The following PRKN variants were observed in gnomAD, a reference collection of about 807,000 sequenced individuals.
PRKN encodes the protein parkin RBR E3 ubiquitin protein ligase.
In PRKN, 56 loss-of-function variants were observed where a neutral mutation model predicts 59.5. That is an observed-to-expected ratio of 0.94 (90% CI 0.76 to 1.18). PRKN has a LOEUF of 1.18. Ranked by LOEUF, PRKN falls within the 50% of genes most tolerant of loss-of-function variation. The pLI is 0.00. For synonymous variants in PRKN, 250 were observed against 222.1 expected (o/e 1.13, Z -1.12); for missense variants, 657 against 596.4 (o/e 1.10, Z -1.06).
chr6:162,378,632 A>C (rs1431371385), intron 2 of PRKN, among the ~76,000 whole-genome samples: 2 of 152,244 alleles, frequency 1.3e-5, no homozygotes, highest in Non-Finnish European at 2.9e-5. Context: ...GTGCCTATGC[A>C]CAGAATTCAA....
intron 1 of PRKN, among the ~76,000 whole-genome samples, chr6:162,693,432 C>T (rs530685328): frequency 6.6e-6 from 1 of 152,176 alleles, no homozygotes; most frequent in South Asian, 2.1e-4. Context: ...AGGTTTTCCT[C>T]TTCACATGGT....
chr6:162,446,613 CAATAT>C (rs1790328330), intron 1 of PRKN, among the ~76,000 whole-genome samples: 1 of 151,994 alleles, frequency 6.6e-6, no homozygotes, highest in African/African-American at 2.4e-5. Context: ...ATCTAACATA[CAATAT>C]AAATTTAAAA....
chr6:161,576,944 A>T lies in PRKN; in HGVS notation c.872-7528T>A, dbSNP rs866643897. Among the ~76,000 whole-genome samples, 2 of 152,260 alleles carry T rather than the reference A, an allele frequency of 1.3e-5. No homozygotes were observed. Among genetic ancestry groups the T allele is most frequent in the African/African-American group, 4.8e-5 (2 of 41,472 alleles). Reference sequence around the variant, plus strand: ...AATGTCATTTACAGAAAGTTTAGAGAATCTATTAAACAATGTCGATGCACG... The same window carrying T: ...AATGTCATTTACAGAAAGTTTAGAGTATCTATTAAACAATGTCGATGCACG... On this transcript the variant is annotated intron_variant, in intron 7 of 11. Transcript: ENST00000366898. The surrounding 1 kb of genome is among the most constrained non-coding windows in gnomAD (Gnocchi z 4.6).
At chr6:162,461,750 T>G (rs945534036) in intron 1 of PRKN, among the ~76,000 whole-genome samples, 26 of 150,622 alleles carry the variant, frequency 1.7e-4, no homozygotes, top group Admixed American at 3.3e-4. Flanking sequence ...CGCTTGAACT[T>G]GGGAGGTGGA....
Position 161,546,753 on chromosome 6 carries a change from G to A in PRKN, c.1083+2101C>T, listed in dbSNP as rs1779809777. 6.6e-6 allele frequency among the ~76,000 whole-genome samples: 1 copy of A among 152,020 alleles called. No individual in the cohort carries two copies. The highest frequency in any genetic ancestry group is 1.5e-5 in the Non-Finnish European group (1 of 68,024). ...GAATAAAGTGAGAGTGACAGGTGCA[G>A]CTTTGGGGATTTGGTCCTACAAGGC... is the stretch of plus-strand genomic sequence containing the variant. On this transcript the variant is annotated intron_variant, in intron 9 of 11. Transcript: ENST00000366898. The surrounding 1 kb of genome is among the most constrained non-coding windows in gnomAD (Gnocchi z 4.4).
At chr6:162,184,985 A>G (rs1170245509) in intron 4 of PRKN, among the ~76,000 whole-genome samples, 1 of 152,166 alleles carries the variant, frequency 6.6e-6, no homozygotes, top group Non-Finnish European at 1.5e-5. Context: ...GGTGCTCCTG[A>G]CTGCCTTGGT....
At chr6:162,302,803 T>C (rs994284301) in intron 2 of PRKN, among the ~76,000 whole-genome samples, 1 of 152,194 alleles carries the variant, frequency 6.6e-6, no homozygotes, top group East Asian at 1.9e-4. Context: ...TACACAGCCA[T>C]AGAAAGCTAA....
chr6:161,557,329 AAT>A (rs2115449831), intron 8 of PRKN, among the ~76,000 whole-genome samples: 1 of 152,340 alleles, frequency 6.6e-6, no homozygotes, highest in South Asian at 2.1e-4. Flanking sequence ...TAAGAATTTA[AAT>A]AATGGGTCAT....
chr6:162,719,283 G>A (rs1778843986), intron 1 of PRKN, among the ~76,000 whole-genome samples: 1 of 152,090 alleles, frequency 6.6e-6, no homozygotes, highest in Non-Finnish European at 1.5e-5. Flanking sequence ...ATTTGTCTGT[G>A]GTCAGGAGCC....
At position 162,380,473 on chromosome 6, in the gene PRKN, G is replaced by A. The variant is rs10630937; in HGVS notation, c.171+62837C>T. ...TATATATACACACATATATATGTGT[G>A]TATATATATGTATATATACACACAT... On this transcript the variant is annotated intron_variant, in intron 2 of 11. Coordinates refer to ENST00000366898, the MANE Select transcript of PRKN (RefSeq NM_004562.3). 8.1e-3 allele frequency among the ~76,000 whole-genome samples: 317 copies of A among 38,906 alleles called. 7 individuals carry two copies. Among genetic ancestry groups the A allele is most frequent in the Middle Eastern group, 0.076 (5 of 66 alleles). The allele number at this position is 38,906 out of a possible 152,430, so 25.5% of individuals were successfully genotyped here. A position where few individuals can be genotyped will look rare whatever the true frequency, so the allele number is the denominator to read the frequency against.
At position 161,457,738 on chromosome 6, in the gene PRKN, T is replaced by C. The variant is rs1790036925; in HGVS notation, c.1084-70861A>G. Among the ~76,000 whole-genome samples, 1 of 152,130 alleles carries C rather than the reference T, an allele frequency of 6.6e-6. No homozygotes were observed. The highest frequency in any genetic ancestry group is 2.4e-5 in the African/African-American group (1 of 41,424). ...CTAGAGAAGAGACTGGTTCTGAAAATAGGGAGAATGGGAACCACCAACTTC... is the reference window on the plus strand; with the variant it reads ...CTAGAGAAGAGACTGGTTCTGAAAACAGGGAGAATGGGAACCACCAACTTC... On this transcript the variant is annotated intron_variant, in intron 9 of 11. Coordinates refer to ENST00000366898, the MANE Select transcript of PRKN (RefSeq NM_004562.3). The surrounding 1 kb of genome is among the most constrained non-coding windows in gnomAD (Gnocchi z 5.0).
At chr6:162,715,863 T>G (rs1475615184) in intron 1 of PRKN, among the ~76,000 whole-genome samples, 1 of 152,192 alleles carries the variant, frequency 6.6e-6, no homozygotes, top group Non-Finnish European at 1.5e-5. Context: ...CCTCTCTGTT[T>G]CAAACGCGCT....
chr6:161,948,371 ACTG>A (rs1779860197), intron 6 of PRKN, among the ~76,000 whole-genome samples: 1 of 152,190 alleles, frequency 6.6e-6, no homozygotes, highest in Non-Finnish European at 1.5e-5. Flanking sequence ...GCAGATAGTT[ACTG>A]AATACCTACC....
chr6:162,246,189 A>T (rs1779184619), intron 3 of PRKN, among the ~76,000 whole-genome samples: 1 of 151,994 alleles, frequency 6.6e-6, no homozygotes. Context: ...TCCTAATCCA[A>T]CTGTATTTGA....
At chr6:161,655,849 G>C (rs576776445) in intron 7 of PRKN, among the ~76,000 whole-genome samples, 21 of 145,862 alleles carry the variant, frequency 1.4e-4, no homozygotes, top group Admixed American at 1.2e-3. Context: ...TCACCACACA[G>C]GCATATCAAC....
chr6:161,963,023 A>G (rs1281729273), intron 6 of PRKN, among the ~76,000 whole-genome samples: 1 of 152,096 alleles, frequency 6.6e-6, no homozygotes, highest in Non-Finnish European at 1.5e-5. Context: ...TATGCCTTTA[A>G]TCCCAGCTAC....
intron 7 of PRKN, among the ~76,000 whole-genome samples, chr6:161,721,628 G>A (rs535696407): frequency 9.9e-5 from 15 of 152,244 alleles, no homozygotes; most frequent in African/African-American, 3.4e-4. Context: ...GGATTTTATG[G>A]ACGCACCTGT....
chr6:161,837,856 T>C lies in PRKN; in HGVS notation c.735-51948A>G, dbSNP rs186825934. 5.0e-3 allele frequency among the ~76,000 whole-genome samples: 762 copies of C among 152,304 alleles called. 28 individuals are homozygous for C. Among genetic ancestry groups the C allele is most frequent in the Admixed American group, 0.046 (708 of 15,296 alleles). The stretch of plus-strand genomic sequence containing the variant: ...GAAAATAATAGTTTTGAGAGCTTTT[T>C]TAATGTTTCCAGAGGTAGGAGTACA... On this transcript the variant is annotated intron_variant, in intron 6 of 11. Coordinates refer to ENST00000366898, the MANE Select transcript of PRKN (RefSeq NM_004562.3).
intron 6 of PRKN, among the ~76,000 whole-genome samples, chr6:161,861,557 C>T (rs1036218722): frequency 3.3e-5 from 5 of 150,462 alleles, no homozygotes; most frequent in Non-Finnish European, 5.9e-5. Flanking sequence ...CAAACCTGCA[C>T]GTTCTGCACA....
Sources: allele counts gnomAD v4.1 joint callset (sites outside exome capture counted in the v4.1 genomes callset), GRCh38; gene constraint gnomAD v4.1.1; non-coding constraint Gnocchi (gnomAD v3.1); transcripts MANE v1.5; gene names NCBI Gene and HGNC (gene_info 2026-07-23, HGNC 2026-07-21).